Variants in PHYKPL observed in about 807,000 individuals in gnomAD.
The protein encoded by PHYKPL is 5-phosphonooxy-L-lysine phospho-lyase.
In PHYKPL, 42 loss-of-function variants were observed where a neutral mutation model predicts 51.3. The observed-to-expected ratio is 0.82, with a 90% CI of 0.64 to 1.06. PHYKPL has a LOEUF of 1.06. Ranked by LOEUF, PHYKPL falls within the 50% of genes least tolerant of loss-of-function variation. PHYKPL has a pLI of 0.00. For missense variants in PHYKPL, 655 were observed against 586.6 expected (o/e 1.12, Z -1.20); for synonymous variants, 264 against 236.0 (o/e 1.12, Z -1.09).
At chr5:178,218,134 A>G (rs6861369) in intron 8 of PHYKPL, among the ~76,000 whole-genome samples, 46,828 of 83,990 alleles carry the variant, frequency 0.56, 13,813 homozygotes, top group African/African-American at 0.66. Context: ...GGAGAATGGC[A>G]TGAACCCGGG....
intron 12 of PHYKPL, chr5:178,210,738 T>G: frequency 1.3e-6 from 1 of 789,880 alleles, no homozygotes. Flanking sequence ...CCCATGTGCA[T>G]CTTATTTAAA....
chr5:178,228,456 C>T, intron 3 of PHYKPL: 1 of 690,806 alleles, frequency 1.4e-6, no homozygotes, highest in South Asian at 1.5e-5. Flanking sequence ...CAGAATAAAG[C>T]TGGTGGCATA....
In PHYKPL at chr5:178,232,552, G is replaced by C. The variant is rs373706203; in HGVS notation, c.-2C>G. 1,882 of 1,290,160 alleles carry C rather than the reference G, an allele frequency of 1.5e-3. 1 individual carries two copies. Among genetic ancestry groups the C allele is most frequent in the Non-Finnish European group, 1.7e-3 (1,780 of 1,022,738 alleles). 79.9% of individuals were successfully genotyped at this position (1,290,160 alleles called of 1,614,324 possible). On this transcript the variant is annotated 5_prime_UTR_variant, in exon 1 of 13. Transcript: ENST00000308158. ...CTTCGGGCGCTGGTCTGCGGCCATG[G>C]TGGGTGGCCGTCAGTCGGTGCCGTG...
intron 12 of PHYKPL, chr5:178,210,607 A>T: frequency 6.2e-7 from 1 of 1,614,014 alleles, no homozygotes; most frequent in Non-Finnish European, 8.5e-7. Flanking sequence ...CATCAGAATA[A>T]CTACAAGCCA....
chr5:178,208,826 A>G lies in PHYKPL; in HGVS notation c.*121T>C, dbSNP rs1757282269. 6.5e-6 allele frequency: 1 copy of G among 153,198 alleles called. No homozygotes were observed. Among genetic ancestry groups the G allele is most frequent in the Non-Finnish European group, 1.5e-5 (1 of 68,800 alleles). The allele number at this position is 153,198 out of a possible 1,614,324, so 9.5% of individuals were successfully genotyped here. On this transcript the variant is annotated 3_prime_UTR_variant, in exon 13 of 13. Coordinates refer to ENST00000308158, the MANE Select transcript of PHYKPL (RefSeq NM_153373.4). ...ATTATGGCCTCGGGCAGGCCCCCCC[A>G]CCCTGAGCCTCTGAAAGCTGACTTT...
chr5:178,208,395 C>T (rs1040912506), downstream of PHYKPL: 1 of 152,118 alleles, frequency 6.6e-6, no homozygotes, highest in African/African-American at 2.4e-5. Context: ...TGATAGAGGC[C>T]TTTTTCTCTA....
intron 1 of PHYKPL, 75 bp downstream of exon 1, chr5:178,232,417 C>T: frequency 1.5e-6 from 2 of 1,353,102 alleles, no homozygotes; most frequent in Non-Finnish European, 9.4e-7. Flanking sequence ...GTAGTGCGTG[C>T]GTGCGTGCGT....
chr5:178,216,360 T>G (rs1187053340), intron 8 of PHYKPL: 1 of 152,272 alleles, frequency 6.6e-6, no homozygotes, highest in African/African-American at 2.4e-5. Flanking sequence ...CTCTGCAGAA[T>G]GAGGAAGTAA....
chr5:178,220,754 C>T (rs931802395), intron 8 of PHYKPL, among the ~76,000 whole-genome samples: 1 of 148,188 alleles, frequency 6.7e-6, no homozygotes, highest in Admixed American at 6.7e-5. Context: ...AAACATGGAA[C>T]GACCTCAAAG....
chr5:178,215,406 C>T lies in PHYKPL; in HGVS notation c.952G>A (p.Ala318Thr), dbSNP rs1351109799. The T allele has an allele frequency of 5.0e-6, 8 of 1,613,518 alleles. No individual in the cohort carries two copies. Among genetic ancestry groups the T allele is most frequent in the African/African-American group, 1.3e-5 (1 of 74,900 alleles). The change falls in exon 9 of 13, where the codon GCT (alanine) becomes ACT (threonine). Residue 318 changes from alanine to threonine, a missense_variant. Transcript: ENST00000308158. ...ACATTCAGGACGGCCAGCCCCACAGCGCAGGACACTGGGCTGCCCCCAAAC... is the reference window on the plus strand; with the variant it reads ...ACATTCAGGACGGCCAGCCCCACAGTGCAGGACACTGGGCTGCCCCCAAAC... Reference protein sequence around the residue: ...NTFGGSPVSCAVGLAVLNVLE... With the variant: ...NTFGGSPVSCTVGLAVLNVLE...
At chr5:178,210,490 C>CA in intron 12 of PHYKPL, 2 of 1,540,542 alleles carry the variant, frequency 1.3e-6, no homozygotes, top group Non-Finnish European at 1.8e-6. Context: ...AGATGCATAT[C>CA]AAGCGCGTGG....
At chr5:178,213,216 T>G in intron 10 of PHYKPL, 113 bp from the exon 11 acceptor site, 1 of 1,395,698 alleles carries the variant, frequency 7.2e-7, no homozygotes, top group Non-Finnish European at 9.7e-7. Flanking sequence ...ATGGGCCAGT[T>G]CCTGCCAGGT....
At chr5:178,224,279 G>A (rs1761814194) in intron 6 of PHYKPL, 169 bp downstream of exon 6, 1 of 728,456 alleles carries the variant, frequency 1.4e-6, no homozygotes, top group Non-Finnish European at 2.2e-6. Flanking sequence ...CCCATGCTAG[G>A]CCGTGCACTC....
intron 8 of PHYKPL, among the ~76,000 whole-genome samples, chr5:178,219,916 G>C (rs1373262866): frequency 6.6e-6 from 1 of 151,866 alleles, no homozygotes; most frequent in Non-Finnish European, 1.5e-5. Context: ...ATATAGGCCG[G>C]GTGCAGTGGC....
intron 3 of PHYKPL, among the ~76,000 whole-genome samples, chr5:178,227,391 C>T (rs988697912): frequency 6.6e-6 from 1 of 152,230 alleles, no homozygotes; most frequent in African/African-American, 2.4e-5. Context: ...TTAAGCCACT[C>T]AGTCTCTGGT....
chr5:178,210,515 T>TTGTAAATAGTAGCTGCTA, intron 12 of PHYKPL: 2 of 1,600,838 alleles, frequency 1.2e-6, no homozygotes, highest in Non-Finnish European at 1.7e-6. Context: ...GGGCAAATGC[T>TTGTAAATAGTAGCTGCTA]TGTAAATAGT....
rs895454106 is a variant in PHYKPL at position 178,215,221 on chromosome 5, G to A, written c.1082+55C>T. ...CAGGTTGTTAGGAGGTGAAGAAAAT[G>A]GTACCACACTGGGCCTTGGCAGGTG... is the stretch of plus-strand genomic sequence containing the variant. On this transcript the variant is annotated intron_variant, in intron 9 of 12. Transcript: ENST00000308158. 24 of 1,609,590 alleles carry A rather than the reference G, an allele frequency of 1.5e-5. No individual in the cohort carries two copies. The Admixed American group carries it at 3.7e-4, about 25-fold the overall frequency.
chr5:178,211,772 AG>A, intron 12 of PHYKPL, 117 bp downstream of exon 12: 1 of 658,210 alleles, frequency 1.5e-6, no homozygotes, highest in South Asian at 1.9e-5. Context: ...TTTGGGAAGG[AG>A]CATCAGTCAG....
intron 3 of PHYKPL, 28 bp from the exon 4 acceptor site, chr5:178,225,457 A>C (rs1762104663): frequency 6.2e-7 from 1 of 1,613,014 alleles, no homozygotes. Flanking sequence ...GGCATGACTG[A>C]GAGAGTAGTC....
Sources: allele counts gnomAD v4.1 joint callset (sites outside exome capture counted in the v4.1 genomes callset), GRCh38; gene constraint gnomAD v4.1.1; transcripts MANE v1.5; gene names NCBI Gene and HGNC (gene_info 2026-07-23, HGNC 2026-07-21).